Variants in PRPS1 observed in about 807,000 individuals in gnomAD.
PRPS1 encodes ribose-phosphate pyrophosphokinase 1.
Under a neutral mutation model 16.9 loss-of-function variants are expected in PRPS1, and 1 was observed. That is an observed-to-expected ratio of 0.06 (90% CI 0.02 to 0.28). The LOEUF is 0.28. Ranked by LOEUF, PRPS1 falls within the 10% of genes least tolerant of loss-of-function variation. PRPS1 has a pLI of 1.00. For missense variants in PRPS1, 47 were observed against 254.0 expected (o/e 0.19, Z 5.54); for synonymous variants, 70 against 90.2 (o/e 0.78, Z 1.27).
chrX:107,637,688 T>G (rs1212331433), intron 1 of PRPS1, among the ~76,000 whole-genome samples: 3 of 109,547 alleles, frequency 2.7e-5, no homozygotes, highest in Non-Finnish European at 5.7e-5. Context: ...AATGGTAATA[T>G]TTGTATAGTG....
intron 1 of PRPS1, among the ~76,000 whole-genome samples, chrX:107,638,584 GTTAT>G (rs1056458213): frequency 1.8e-5 from 2 of 110,895 alleles, no homozygotes; most frequent in Admixed American, 9.6e-5. Flanking sequence ...ATACTTTATT[GTTAT>G]TTATTTATTT....
intron 1 of PRPS1, among the ~76,000 whole-genome samples, chrX:107,634,277 C>T (rs1174284468): frequency 4.6e-5 from 5 of 109,662 alleles, no homozygotes; most frequent in South Asian, 4.0e-4. Context: ...TGCAGTGGCG[C>T]GATCTCGGTT....
At chrX:107,638,726 T>A (rs1054648503) in intron 1 of PRPS1, among the ~76,000 whole-genome samples, 16 of 108,426 alleles carry the variant, frequency 1.5e-4, no homozygotes, top group African/African-American at 5.4e-4. Flanking sequence ...CTCCCATATA[T>A]TTTATTTTAT....
At chrX:107,630,937 A>G (rs1292393624) in intron 1 of PRPS1, among the ~76,000 whole-genome samples, 1 of 112,104 alleles carries the variant, frequency 8.9e-6, no homozygotes, top group Admixed American at 9.5e-5. Context: ...TGTCCAAAAC[A>G]TAATAAGTAC....
At chrX:107,634,211 GTATT>G (rs1310581051) in intron 1 of PRPS1, among the ~76,000 whole-genome samples, 13 of 109,327 alleles carry the variant, frequency 1.2e-4, no homozygotes, top group African/African-American at 3.3e-4. Context: ...TTTTATTTAT[GTATT>G]TATTTATTTA....
chrX:107,632,153 C>G (rs1925320707), intron 1 of PRPS1, among the ~76,000 whole-genome samples: 1 of 112,378 alleles, frequency 8.9e-6, no homozygotes, highest in Non-Finnish European at 1.9e-5. Context: ...ACTTGCCCAG[C>G]TCTGGGTATT....
At chrX:107,634,116 C>G (rs1925370078) in intron 1 of PRPS1, among the ~76,000 whole-genome samples, 1 of 111,540 alleles carries the variant, frequency 9.0e-6, no homozygotes, top group South Asian at 3.7e-4. Flanking sequence ...AGGTAGGTAT[C>G]AGAAGCCTTA....
Position 107,639,421 on chromosome X carries a change from C to T in PRPS1, c.249C>T (p.Ser83=), listed in dbSNP as rs750054054. The T allele has an allele frequency of 1.7e-6, 2 of 1,209,888 alleles. No homozygotes were observed. Among genetic ancestry groups the T allele is most frequent in the African/African-American group, 3.5e-5 (2 of 57,162 alleles). ...ATGCCTGCAAGATTGCTTCAGCCAG[C>T]CGGGTTACTGCAGTCATCCCATGCT... ...MINACKIASA[S]RVTAVIPCFP... Residue 83 remains serine (S), a synonymous_variant, in exon 2 of 7, where the codon AGC becomes AGT. Coordinates refer to ENST00000372435, the MANE Select transcript of PRPS1 (RefSeq NM_002764.4).
At chrX:107,643,540 A>T (rs1474166031) in intron 4 of PRPS1, among the ~76,000 whole-genome samples, 1 of 111,205 alleles carries the variant, frequency 9.0e-6, no homozygotes, top group Non-Finnish European at 1.9e-5. Context: ...GTGATGGAGT[A>T]TTTTACAATT....
rs1925735471 is a variant in PRPS1, at chrX:107,647,784, CA to C, written c.864+23del. ...AATACAGGTGAGGATGAGATTTGTG[CA>C]AAACAAGACTTTTCTAAGTGTTTAG... On this transcript the variant is annotated intron_variant, in intron 6 of 6. Coordinates refer to ENST00000372435, the MANE Select transcript of PRPS1 (RefSeq NM_002764.4). 8.3e-7 allele frequency: 1 copy of C among 1,204,470 alleles called. No homozygotes were observed. Among genetic ancestry groups the C allele is most frequent in the African/African-American group, 1.7e-5 (1 of 57,148 alleles).
intron 1 of PRPS1, chrX:107,630,062 C>T (rs759753528): frequency 3.6e-5 from 4 of 112,348 alleles, no homozygotes; most frequent in African/African-American, 1.3e-4. Context: ...AGCTTCTTCC[C>T]GAATTATTGT....
At chrX:107,640,036 G>A (rs1023513547) in intron 2 of PRPS1, among the ~76,000 whole-genome samples, 4 of 112,819 alleles carry the variant, frequency 3.5e-5, no homozygotes, top group Non-Finnish European at 7.5e-5. Flanking sequence ...TATTCCAACA[G>A]AGTATAAAGT....
At chrX:107,636,118 G>GTTTGT (rs1020365675) in intron 1 of PRPS1, among the ~76,000 whole-genome samples, 2 of 107,788 alleles carry the variant, frequency 1.9e-5, no homozygotes, top group Non-Finnish European at 3.8e-5. Flanking sequence ...ACCACTGCCT[G>GTTTGT]TTTGTTTTGT....
At chrX:107,638,818 C>G (rs775521805) in intron 1 of PRPS1, among the ~76,000 whole-genome samples, 1 of 111,075 alleles carries the variant, frequency 9.0e-6, no homozygotes, top group African/African-American at 3.3e-5. Flanking sequence ...CTGCAACCTC[C>G]GCCTCCTGAG....
intron 2 of PRPS1, 124 bp from the exon 3 acceptor site, chrX:107,640,778 A>G (rs1395751950): frequency 1.2e-5 from 9 of 728,973 alleles, no homozygotes; most frequent in South Asian, 9.1e-5. Context: ...GTCTCCTTCT[A>G]TGAATTTCTG....
Position 107,633,922 on chromosome X carries a change from G to A in PRPS1, c.122+5172G>A, listed in dbSNP as rs778029393. Among the ~76,000 whole-genome samples the A allele has an allele frequency of 1.8e-4, 20 of 111,125 alleles. No homozygotes were observed. The South Asian group carries it at 6.4e-3, about 35-fold the overall frequency. On this transcript the variant is annotated intron_variant, in intron 1 of 6. Transcript: ENST00000372435. Reference sequence around the variant, plus strand: ...AGCCTGGGTGACAGAGTGAGATTCCGTCTCAAAAAAAATAAATACAATTTA... The same window carrying A: ...AGCCTGGGTGACAGAGTGAGATTCCATCTCAAAAAAAATAAATACAATTTA...
At chrX:107,649,748 G>A (rs1449565125) in intron 6 of PRPS1, among the ~76,000 whole-genome samples, 192 bp from the exon 7 acceptor site, 3 of 112,409 alleles carry the variant, frequency 2.7e-5, no homozygotes, top group Admixed American at 9.4e-5. Flanking sequence ...GTGAGCCACC[G>A]TGCCCAGCCG....
At chrX:107,634,227 T>A (rs1925372697) in intron 1 of PRPS1, among the ~76,000 whole-genome samples, 1 of 110,036 alleles carries the variant, frequency 9.1e-6, no homozygotes, top group African/African-American at 3.3e-5. Context: ...ATTTATTTAT[T>A]TTTTTGAGAT....
intron 1 of PRPS1, among the ~76,000 whole-genome samples, chrX:107,636,038 G>A (rs1159099873): frequency 1.2e-5 from 1 of 84,869 alleles, no homozygotes; most frequent in Admixed American, 1.5e-4. Context: ...CCAGCCTGGC[G>A]ACAGAGCGAG....
Sources: gnomAD v4.1 joint callset for allele counts (sites outside exome capture counted in the v4.1 genomes callset) on GRCh38, gnomAD v4.1.1 for gene constraint, MANE v1.5 for transcripts, NCBI Gene and HGNC (gene_info 2026-07-23, HGNC 2026-07-21) for gene names.